The following SHISA9 variants were observed in gnomAD, a reference collection of about 807,000 sequenced individuals.
The protein encoded by SHISA9 is protein shisa-9.
Under a neutral mutation model 38.0 loss-of-function variants are expected in SHISA9, and 13 were observed. The ratio of observed to expected loss-of-function variants is 0.34; its 90% CI spans 0.22 to 0.54. The LOEUF (loss-of-function observed/expected upper bound fraction) is 0.54, where lower values mean the gene tolerates loss of function less well. SHISA9 is among the 20% of genes least tolerant of loss of function. SHISA9 has a pLI of 0.91. For synonymous variants in SHISA9, 275 were observed against 242.0 expected (o/e 1.14, Z -1.27); for missense variants, 538 against 575.8 (o/e 0.93, Z 0.67).
At chr16:13,263,167 ATC>A in the SHISA9 span, among the ~76,000 whole-genome samples, 1 of 152,080 alleles carries the variant, frequency 6.6e-6, no homozygotes, top group Non-Finnish European at 1.5e-5. Flanking sequence ...GACATTTCTC[ATC>A]TCTGTTTCCC....
the SHISA9 span, among the ~76,000 whole-genome samples, chr16:13,311,676 C>T: frequency 5.3e-5 from 8 of 152,238 alleles, no homozygotes; most frequent in East Asian, 9.7e-4. Context: ...GTATTTACTT[C>T]GCTTTCAAAT....
intron 4 of SHISA9, among the ~76,000 whole-genome samples, chr16:13,213,676 G>T (rs2051141520): frequency 6.6e-6 from 1 of 152,174 alleles, no homozygotes. Flanking sequence ...CAGCTTCTGA[G>T]GGAGAGAAAA....
chr16:12,977,842 G>A (rs937693410), intron 2 of SHISA9, among the ~76,000 whole-genome samples: 2 of 152,000 alleles, frequency 1.3e-5, no homozygotes, highest in African/African-American at 4.8e-5. Context: ...GAGAGTGAGA[G>A]CATCAGCAAA....
intron 2 of SHISA9, among the ~76,000 whole-genome samples, chr16:12,987,048 C>G (rs1053863406): frequency 5.9e-5 from 9 of 152,146 alleles, no homozygotes; most frequent in African/African-American, 2.2e-4. Context: ...CTCAATATTC[C>G]CAGTATCTGC....
chr16:13,404,069 C>T, the SHISA9 span, among the ~76,000 whole-genome samples: 2 of 152,174 alleles, frequency 1.3e-5, no homozygotes, highest in Non-Finnish European at 2.9e-5. Flanking sequence ...GCTCTGCTTA[C>T]CCTAAGCTCA....
At chr16:13,346,998 G>A in the SHISA9 span, among the ~76,000 whole-genome samples, 2 of 152,182 alleles carry the variant, frequency 1.3e-5, no homozygotes, top group Non-Finnish European at 2.9e-5. Flanking sequence ...AATGTGGCAT[G>A]TGGATCTCTG....
At chr16:13,013,608 C>T (rs1170161348) in intron 2 of SHISA9, among the ~76,000 whole-genome samples, 2 of 152,194 alleles carry the variant, frequency 1.3e-5, no homozygotes, top group Non-Finnish European at 1.5e-5. Flanking sequence ...GGAAGGGTGT[C>T]TCCTAAAGGG....
chr16:13,068,518 G>A (rs1165803494), intron 2 of SHISA9, among the ~76,000 whole-genome samples: 3 of 152,206 alleles, frequency 2.0e-5, no homozygotes, highest in African/African-American at 7.2e-5. Context: ...GTCTAGTTTA[G>A]GAGTGGCCTG....
chr16:13,110,706 A>G (rs149897513), intron 2 of SHISA9, among the ~76,000 whole-genome samples: 5 of 152,324 alleles, frequency 3.3e-5, no homozygotes, highest in African/African-American at 1.2e-4. Flanking sequence ...ATGAAGGGAG[A>G]GTCTGTGATT....
At chr16:12,974,545 G>T (rs2072130836) in intron 2 of SHISA9, among the ~76,000 whole-genome samples, 2 of 135,088 alleles carry the variant, frequency 1.5e-5, no homozygotes, top group African/African-American at 5.5e-5. Flanking sequence ...GAGTGAAGTG[G>T]TGCAATCTTG....
the SHISA9 span, among the ~76,000 whole-genome samples, chr16:13,367,703 C>CGTGTGCGTGCGCGCGT: frequency 8.3e-6 from 1 of 120,746 alleles, no homozygotes; most frequent in South Asian, 2.8e-4. Flanking sequence ...TGCGTGCGCG[C>CGTGTGCGTGCGCGCGT]GCGCGCGCGC....
chr16:12,957,515 C>T (rs1161451054), intron 2 of SHISA9, among the ~76,000 whole-genome samples: 2 of 152,084 alleles, frequency 1.3e-5, no homozygotes, highest in Non-Finnish European at 2.9e-5. Context: ...TAACCTTTAC[C>T]AGAACTCTTA....
chr16:13,427,071 C>G, the SHISA9 span, among the ~76,000 whole-genome samples: 1 of 152,144 alleles, frequency 6.6e-6, no homozygotes, highest in Non-Finnish European at 1.5e-5. Flanking sequence ...AATGTTTTAT[C>G]AGGAACTTTC....
chr16:13,480,670 T>C, the SHISA9 span, among the ~76,000 whole-genome samples: 2 of 152,214 alleles, frequency 1.3e-5, no homozygotes, highest in African/African-American at 4.8e-5. Context: ...AAGCAAACCC[T>C]ATCAGCCTCT....
intron 4 of SHISA9, among the ~76,000 whole-genome samples, chr16:13,222,286 G>T (rs1033824420): frequency 6.6e-6 from 1 of 152,142 alleles, no homozygotes; most frequent in African/African-American, 2.4e-5. Flanking sequence ...GACCCAAGGA[G>T]AGTAATCCAG....
the SHISA9 span, among the ~76,000 whole-genome samples, chr16:13,402,934 C>G: frequency 3.3e-5 from 5 of 152,132 alleles, no homozygotes; most frequent in Non-Finnish European, 7.4e-5. Context: ...CTGGCTAACA[C>G]AGTCAAACCC....
chr16:13,342,804 C>T, the SHISA9 span, among the ~76,000 whole-genome samples: 1 of 152,128 alleles, frequency 6.6e-6, no homozygotes, highest in Non-Finnish European at 1.5e-5. Context: ...ATGTTCTTGG[C>T]TCCTGTTCTC....
chr16:13,423,776 T>G, the SHISA9 span, among the ~76,000 whole-genome samples: 1 of 152,222 alleles, frequency 6.6e-6, no homozygotes, highest in African/African-American at 2.4e-5. Flanking sequence ...TCATTCAGAC[T>G]GTTGAATTCA....
the SHISA9 span, among the ~76,000 whole-genome samples, chr16:13,273,051 T>C: frequency 2.0e-5 from 3 of 152,120 alleles, no homozygotes; most frequent in African/African-American, 7.2e-5. Flanking sequence ...TATCCAAGCC[T>C]CCAGTTGATT....
Sources: allele counts gnomAD v4.1 joint callset (sites outside exome capture counted in the v4.1 genomes callset), GRCh38; gene constraint gnomAD v4.1.1; transcripts MANE v1.5; gene names NCBI Gene and HGNC (gene_info 2026-07-23, HGNC 2026-07-21).